The following SMIM35 variants were observed in gnomAD, a reference collection of about 807,000 sequenced individuals.
SMIM35 encodes TMPRSS4 antisense RNA 1 (non-protein coding).
At chr11:118,065,103 C>G (rs1467138031) in intron 1 of SMIM35, among the ~76,000 whole-genome samples, 1 of 152,224 alleles carries the variant, frequency 6.6e-6, no homozygotes, top group Non-Finnish European at 1.5e-5. Context: ...CTGTAGAGCC[C>G]TTCTGCGTGG....
chr11:118,051,913 G>A (rs1200313053), intron 1 of SMIM35, among the ~76,000 whole-genome samples: 2 of 151,848 alleles, frequency 1.3e-5, no homozygotes, highest in Non-Finnish European at 2.9e-5. Flanking sequence ...AGAGACACGG[G>A]TGACGCAGGG....
intron 1 of SMIM35, among the ~76,000 whole-genome samples, chr11:118,035,453 T>A (rs890643312): frequency 1.3e-5 from 2 of 152,182 alleles, no homozygotes; most frequent in Admixed American, 1.3e-4. Context: ...GGAGCTCATG[T>A]TCTATGAGGA....
chr11:118,042,235 A>AG (rs1944017363), intron 1 of SMIM35, among the ~76,000 whole-genome samples: 1 of 152,038 alleles, frequency 6.6e-6, no homozygotes, highest in Non-Finnish European at 1.5e-5. Context: ...AAGTTAACCA[A>AG]GAAAAAAAAA....
chr11:118,011,191 C>T (rs1189493827), intron 4 of SMIM35, among the ~76,000 whole-genome samples: 1 of 152,186 alleles, frequency 6.6e-6, no homozygotes. Flanking sequence ...GGGAAATACC[C>T]TCCGTGCTCC....
chr11:118,020,083 T>C (rs1026481814), intron 1 of SMIM35, among the ~76,000 whole-genome samples: 5 of 152,156 alleles, frequency 3.3e-5, no homozygotes, highest in African/African-American at 1.2e-4. Context: ...CTGGTCAACA[T>C]GGTGAAACCC....
intron 1 of SMIM35, among the ~76,000 whole-genome samples, chr11:118,047,053 A>C (rs139433709): frequency 1.4e-3 from 219 of 152,318 alleles, no homozygotes; most frequent in African/African-American, 5.1e-3. Context: ...AGATAAAGTC[A>C]AGGAATAGAA....
intron 1 of SMIM35, among the ~76,000 whole-genome samples, chr11:118,084,935 C>T (rs1338194633): frequency 3.9e-5 from 6 of 152,204 alleles, no homozygotes; most frequent in Admixed American, 3.9e-4. Flanking sequence ...GGACAACCCC[C>T]TTCTGATCAA....
At chr11:118,007,361 C>T (rs1239321824) in intron 4 of SMIM35, among the ~76,000 whole-genome samples, 1 of 152,184 alleles carries the variant, frequency 6.6e-6, no homozygotes, top group Non-Finnish European at 1.5e-5. Context: ...CGCTCACCAG[C>T]TACAAGGGGA....
chr11:118,046,210 T>C (rs940367532), intron 1 of SMIM35, among the ~76,000 whole-genome samples: 10 of 152,184 alleles, frequency 6.6e-5, no homozygotes, highest in African/African-American at 2.4e-4. Flanking sequence ...AAGTCTGCCT[T>C]TGATCTCTAA....
intron 3 of SMIM35, among the ~76,000 whole-genome samples, chr11:118,014,168 G>T (rs1256111714): frequency 6.6e-6 from 1 of 152,146 alleles, no homozygotes; most frequent in African/African-American, 2.4e-5. Context: ...TACATTATTT[G>T]TAATCAGACC....
chr11:118,046,325 C>T (rs1944096969), intron 1 of SMIM35, among the ~76,000 whole-genome samples: 1 of 152,182 alleles, frequency 6.6e-6, no homozygotes, highest in Admixed American at 6.5e-5. Context: ...GATGATGCCA[C>T]TTTGGTCTGA....
At chr11:118,066,862 G>A (rs1048617579) in intron 1 of SMIM35, among the ~76,000 whole-genome samples, 1 of 151,558 alleles carries the variant, frequency 6.6e-6, no homozygotes, top group Admixed American at 6.6e-5. Context: ...TGATAATTCT[G>A]GATTTTTTTT....
intron 1 of SMIM35, among the ~76,000 whole-genome samples, chr11:118,058,198 G>T (rs937206914): frequency 3.3e-5 from 5 of 152,170 alleles, no homozygotes; most frequent in Non-Finnish European, 7.4e-5. Context: ...GTTCTGCTGG[G>T]CCAGGAGAGC....
At chr11:118,082,180 GC>G (rs761246100) in intron 1 of SMIM35, among the ~76,000 whole-genome samples, 2 of 152,182 alleles carry the variant, frequency 1.3e-5, no homozygotes, top group African/African-American at 4.8e-5. Flanking sequence ...CCCATGTTGT[GC>G]TTTGAGAAGC....
In SMIM35 at chr11:118,077,209, C is replaced by T. The variant is rs190320151; in HGVS notation, c.7+9542G>A. On this transcript the variant is annotated intron_variant, in intron 1 of 4. Transcript: ENST00000689828. ...GACCAGGGACTTCTGACCTGCTGGC[C>T]AGCCAGGACCTGTGTGGGGAGGCCC... is the stretch of plus-strand genomic sequence containing the variant. The T allele has an allele frequency of 5.3e-6, 8 of 1,523,606 alleles. 1 individual carries two copies. In the African/African-American group the frequency reaches 9.6e-5, roughly 18 times the overall value. The allele number at this position is 1,523,606 out of a possible 1,614,324, so 94.4% of individuals were successfully genotyped here.
At chr11:118,078,799 G>A (rs148575630) in intron 1 of SMIM35, among the ~76,000 whole-genome samples, 35 of 152,242 alleles carry the variant, frequency 2.3e-4, no homozygotes, top group African/African-American at 8.2e-4. Flanking sequence ...GCTGTCTTGA[G>A]GCATTCATCT....
chr11:118,054,728 A>G (rs1411466586), intron 1 of SMIM35, among the ~76,000 whole-genome samples: 1 of 152,052 alleles, frequency 6.6e-6, no homozygotes, highest in African/African-American at 2.4e-5. Flanking sequence ...TGTTTCCAAT[A>G]TAAATCCCCT....
At chr11:118,045,037 T>C (rs1944075485) in intron 1 of SMIM35, among the ~76,000 whole-genome samples, 1 of 152,086 alleles carries the variant, frequency 6.6e-6, no homozygotes, top group African/African-American at 2.4e-5. Flanking sequence ...CAACAGACCC[T>C]AGTGGGAGGC....
intron 1 of SMIM35, among the ~76,000 whole-genome samples, chr11:118,046,883 G>A (rs1051084481): frequency 2.0e-5 from 3 of 152,212 alleles, no homozygotes; most frequent in African/African-American, 7.2e-5. Flanking sequence ...CTTTGAGGAG[G>A]AAGAAAGTGA....
Sources: gnomAD v4.1 joint callset for allele counts (sites outside exome capture counted in the v4.1 genomes callset) on GRCh38, gnomAD v4.1.1 for gene constraint, MANE v1.5 for transcripts, NCBI Gene and HGNC (gene_info 2026-07-23, HGNC 2026-07-21) for gene names.